ITGA11: variants seen among roughly 807,000 people sequenced by gnomAD.
The protein encoded by ITGA11 is integrin subunit alpha 11, also known as integrin alpha-11.
In ITGA11, 97 loss-of-function variants were observed where a neutral mutation model predicts 141.9. The ratio of observed to expected loss-of-function variants is 0.68; its 90% CI spans 0.58 to 0.81. The LOEUF is 0.81. Among genes scored for constraint, ITGA11 ranks in the 30% least tolerant of loss-of-function variants. ITGA11 has a pLI of 0.00. For missense variants in ITGA11, 1,387 were observed against 1,559.2 expected (o/e 0.89, Z 1.86); for synonymous variants, 658 against 624.6 (o/e 1.05, Z -0.80).
intron 10 of ITGA11, among the ~76,000 whole-genome samples, chr15:68,339,858 G>A (rs541509619): frequency 1.3e-5 from 2 of 152,228 alleles, no homozygotes; most frequent in East Asian, 1.9e-4. Flanking sequence ...GGCACAAAAT[G>A]GGTCAAATTG....
In ITGA11 at chr15:68,315,704, C is replaced by T. The variant is rs1893549147; in HGVS notation, c.2739G>A (p.Glu913=). 31 of 1,612,936 alleles carry T rather than the reference C, an allele frequency of 1.9e-5. No homozygotes were observed. Among genetic ancestry groups the T allele is most frequent in the Non-Finnish European group, 2.5e-5 (29 of 1,179,464 alleles). The stretch of plus-strand genomic sequence containing the variant: ...GGTGTAGGAAGATGGATTTGCTGAA[C>T]TCAAAATCAAGACGGAAAGCCACCT... The part of the protein sequence containing the change: ...KAKVAFRLDF[E]FSKSIFLHHL... Residue 913 remains glutamate (E), a synonymous_variant, in exon 22 of 30, where the codon GAG becomes GAA. Coordinates refer to ENST00000315757, the MANE Select transcript of ITGA11 (RefSeq NM_001004439.2).
At position 68,335,782 on chromosome 15, in the gene ITGA11, CG is replaced by C; in HGVS notation, c.1339del (p.Arg447GlyfsTer30). The C allele has an allele frequency of 1.9e-6, 3 of 1,613,428 alleles. No individual in the cohort carries two copies. Among genetic ancestry groups the C allele is most frequent in the Non-Finnish European group, 1.7e-6 (2 of 1,179,652 alleles). On this transcript the variant is annotated frameshift_variant, in exon 12 of 30. Coordinates refer to ENST00000315757, the MANE Select transcript of ITGA11 (RefSeq NM_001004439.2). LOFTEE classifies it high-confidence loss of function. This position sits in a 1 kb window ranked among gnomAD's most constrained non-coding sequence, Gnocchi z 4.9. ...QGRVYVAGAPRFNHTGKVILF... is the reference protein window; with the variant it reads ...QGRVYVAGAPXFNHTGKVILF... ...GATGACCTTGCCCGTGTGGTTGAAC[CG>C]GGGGGCTCCGGCCACGTACACCCGC...
intron 25 of ITGA11, 97 bp from the exon 26 acceptor site, chr15:68,311,177 G>T: frequency 7.8e-7 from 1 of 1,274,164 alleles, no homozygotes; most frequent in Non-Finnish European, 1.1e-6. Flanking sequence ...TCCTCCTCTA[G>T]CCGTGGTCCT....
chr15:68,348,745 T>A, intron 10 of ITGA11, 85 bp downstream of exon 10: 1 of 1,209,332 alleles, frequency 8.3e-7, no homozygotes, highest in South Asian at 1.3e-5. Flanking sequence ...TGAAGGTGGA[T>A]GACAGATCCA....
chr15:68,350,412 A>G (rs887418903), intron 9 of ITGA11, among the ~76,000 whole-genome samples: 9 of 151,774 alleles, frequency 5.9e-5, no homozygotes, highest in Admixed American at 5.3e-4. Context: ...CTGGTCTTGA[A>G]CTCCTGAACT....
chr15:68,312,882 G>C lies in ITGA11; in HGVS notation c.2883-19C>G, dbSNP rs533931564. The C allele has an allele frequency of 1.0e-5, 16 of 1,573,066 alleles. No homozygotes were observed. The highest frequency in any genetic ancestry group is 9.0e-5 in the East Asian group (4 of 44,540). ...GCTGCTCCTGCGGAGACAGAGGACA[G>C]GGCTGTCGTGAGCTCAGTCAGGGCT... On this transcript the variant is annotated intron_variant, in intron 23 of 29. Coordinates refer to ENST00000315757, the MANE Select transcript of ITGA11 (RefSeq NM_001004439.2).
chr15:68,339,737 C>A, intron 10 of ITGA11, 93 bp from the exon 11 acceptor site: 1 of 1,469,630 alleles, frequency 6.8e-7, no homozygotes, highest in South Asian at 1.2e-5. Context: ...ACGCCTCCAC[C>A]AGCCACCTCG....
intron 1 of ITGA11, among the ~76,000 whole-genome samples, chr15:68,408,028 G>A (rs1369840078): frequency 6.6e-6 from 1 of 152,230 alleles, no homozygotes; most frequent in Admixed American, 6.5e-5. Flanking sequence ...GATCTTGGGA[G>A]AAAGTCCAAA....
At position 68,325,034 on chromosome 15, in the gene ITGA11, C is replaced by T; in HGVS notation, c.2322+97G>A. 1 of 889,620 alleles carries T rather than the reference C, an allele frequency of 1.1e-6. No individual in the cohort carries two copies. Among genetic ancestry groups the T allele is most frequent in the Non-Finnish European group, 1.9e-6 (1 of 532,482 alleles). The allele number at this position is 889,620 out of a possible 1,614,324, so 55.1% of individuals were successfully genotyped here. A position where few individuals can be genotyped will look rare whatever the true frequency, so the allele number is the denominator to read the frequency against. On this transcript the variant is annotated intron_variant, in intron 18 of 29. Transcript: ENST00000315757. This position sits in a 1 kb window ranked among gnomAD's most constrained non-coding sequence, Gnocchi z 5.5. ...GGAAGGTGAGATGAGGGATGGTGTC[C>T]TCTGTACCCGGCACACTCAGGCTCT...
chr15:68,400,663 TATTA>T lies in ITGA11; in HGVS notation c.164+2251_164+2254del, dbSNP rs1406666965. ...AATATTATATATTATATAATAAATATATTATATATTATATAATAAATATTATATT... is the reference window on the plus strand; with the variant it reads ...AATATTATATATTATATAATAAATATTATATTATATAATAAATATTATATT... On this transcript the variant is annotated intron_variant, in intron 2 of 29. Transcript: ENST00000315757. Among the ~76,000 whole-genome samples the T allele has an allele frequency of 7.1e-4, 39 of 55,048 alleles. 1 individual carries two copies. Among genetic ancestry groups the T allele is most frequent in the Admixed American group, 1.6e-3 (5 of 3,222 alleles). 36.1% of individuals were successfully genotyped at this position (55,048 alleles called of 152,430 possible). A position where few individuals can be genotyped will look rare whatever the true frequency, so the allele number is the denominator to read the frequency against.
chr15:68,352,229 G>T (rs1894937518), intron 7 of ITGA11, among the ~76,000 whole-genome samples: 1 of 147,046 alleles, frequency 6.8e-6, no homozygotes, highest in Non-Finnish European at 1.5e-5. Context: ...GTCTCCCTCT[G>T]TTGCCCAGGC....
At chr15:68,378,624 C>T (rs1233547169) in intron 2 of ITGA11, among the ~76,000 whole-genome samples, 1 of 152,152 alleles carries the variant, frequency 6.6e-6, no homozygotes, top group East Asian at 1.9e-4. Flanking sequence ...GCCTGGGTGA[C>T]AGAGAGAGAT....
rs116966765 is a variant in ITGA11, at chr15:68,351,140, T to C, written c.894+118A>G. ...TGTTCAGAAGATGAAATGGGAGGCTTTTTTGAGGGCCTGGACACTTGTGAT... is the reference window on the plus strand; with the variant it reads ...TGTTCAGAAGATGAAATGGGAGGCTCTTTTGAGGGCCTGGACACTTGTGAT... On this transcript the variant is annotated intron_variant, in intron 8 of 29. Transcript: ENST00000315757. 3.9e-3 allele frequency: 4,499 copies of C among 1,139,730 alleles called. 27 individuals are homozygous for C. Among genetic ancestry groups the C allele is most frequent in the South Asian group, 4.6e-3 (286 of 62,452 alleles). 70.6% of individuals were successfully genotyped at this position (1,139,730 alleles called of 1,614,324 possible). A position where few individuals can be genotyped will look rare whatever the true frequency, so the allele number is the denominator to read the frequency against.
At chr15:68,421,929 C>T (rs1453347738) in intron 1 of ITGA11, among the ~76,000 whole-genome samples, 1 of 152,180 alleles carries the variant, frequency 6.6e-6, no homozygotes, top group Non-Finnish European at 1.5e-5. Flanking sequence ...TGCCTTTGCC[C>T]CTGGCTGGCT....
At chr15:68,427,345 T>C (rs542174224) in intron 1 of ITGA11, among the ~76,000 whole-genome samples, 9 of 152,256 alleles carry the variant, frequency 5.9e-5, no homozygotes, top group African/African-American at 1.9e-4. Context: ...TTAACCTGAT[T>C]GTTGTCCTAT....
At chr15:68,351,674 C>G (rs1008561188) in intron 7 of ITGA11, among the ~76,000 whole-genome samples, 2 of 151,924 alleles carry the variant, frequency 1.3e-5, no homozygotes, top group Non-Finnish European at 2.9e-5. Flanking sequence ...TTGGACAGGC[C>G]AAAGGGATGA....
intron 26 of ITGA11, 77 bp downstream of exon 26, chr15:68,310,915 GGA>G: frequency 2.8e-6 from 3 of 1,089,650 alleles, no homozygotes. Context: ...TATTGGGTCG[GGA>G]GGGAAATGGC....
intron 10 of ITGA11, among the ~76,000 whole-genome samples, chr15:68,342,393 C>G (rs1259539615): frequency 6.6e-6 from 1 of 152,232 alleles, no homozygotes; most frequent in Admixed American, 6.5e-5. Flanking sequence ...GCTGATTTTC[C>G]TGGCGTTCTG....
intron 3 of ITGA11, among the ~76,000 whole-genome samples, chr15:68,368,048 C>G (rs564127952): frequency 6.6e-6 from 1 of 152,344 alleles, no homozygotes; most frequent in South Asian, 2.1e-4. Context: ...ACAGCGGGAG[C>G]CTCCGGGACC....
Sources: gnomAD v4.1 joint callset for allele counts (sites outside exome capture counted in the v4.1 genomes callset) on GRCh38, gnomAD v4.1.1 for gene constraint, Gnocchi (gnomAD v3.1) non-coding constraint, MANE v1.5 for transcripts, NCBI Gene and HGNC (gene_info 2026-07-23, HGNC 2026-07-21) for gene names.